C1orf21: variants seen among roughly 807,000 people sequenced by gnomAD.
C1orf21 encodes chromosome 1 open reading frame 21, also known as uncharacterized protein C1orf21.
C1orf21 carries 3 observed loss-of-function variants against 18.7 expected under a neutral mutation model. The ratio of observed to expected loss-of-function variants is 0.16; its 90% CI spans 0.07 to 0.42. The LOEUF (loss-of-function observed/expected upper bound fraction) is 0.42. Ranked by LOEUF, C1orf21 falls within the 10% of genes least tolerant of loss-of-function variation. The pLI is 0.99. For synonymous variants in C1orf21, 41 were observed against 46.4 expected, an observed-to-expected ratio of 0.88 and a Z score of 0.47; for missense variants, 104 against 143.6, an observed-to-expected ratio of 0.72 and a Z score of 1.41.
chr1:184,504,502 C>G (rs1285476218), intron 2 of C1orf21, among the ~76,000 whole-genome samples: 1 of 152,200 alleles, frequency 6.6e-6, no homozygotes, highest in Non-Finnish European at 1.5e-5. Flanking sequence ...ACCCAAAATG[C>G]TTCATTCATT....
rs550415554 is a variant in C1orf21 at position 184,393,639 on chromosome 1, A to G, written c.-125+6271A>G. Among the ~76,000 whole-genome samples the G allele has an allele frequency of 7.2e-4, 110 of 152,300 alleles. 3 individuals carry two copies. The South Asian group carries it at 0.022, about 30-fold the overall frequency. On this transcript the variant is annotated intron_variant, in intron 1 of 5. Coordinates refer to ENST00000235307, the MANE Select transcript of C1orf21 (RefSeq NM_030806.4). ...CTTTGCTTCTTCACTTCTCTTAGCT[A>G]TTACATTCTCCATTGGATAAGCTAA... is the stretch of plus-strand genomic sequence containing the variant.
intron 5 of C1orf21, among the ~76,000 whole-genome samples, chr1:184,599,782 C>A (rs944581420): frequency 2.0e-5 from 3 of 152,104 alleles, no homozygotes; most frequent in African/African-American, 4.8e-5. Flanking sequence ...ATCCCTAAAT[C>A]GAAATCCAAA....
At chr1:184,437,883 T>C (rs991814960) in intron 1 of C1orf21, among the ~76,000 whole-genome samples, 1 of 151,994 alleles carries the variant, frequency 6.6e-6, no homozygotes, top group African/African-American at 2.4e-5. Context: ...CATCAGGTAT[T>C]AGATTTTCCT....
At chr1:184,390,327 A>G (rs1044462971) in intron 1 of C1orf21, among the ~76,000 whole-genome samples, 3 of 152,204 alleles carry the variant, frequency 2.0e-5, no homozygotes, top group Non-Finnish European at 1.5e-5. Flanking sequence ...AGGAAAGGGT[A>G]TGTACACATG....
intron 2 of C1orf21, among the ~76,000 whole-genome samples, chr1:184,479,568 T>C (rs1209077641): frequency 6.6e-6 from 1 of 151,752 alleles, no homozygotes; most frequent in Non-Finnish European, 1.5e-5. Context: ...AGTCCACCTT[T>C]CTTTCTCCAT....
intron 1 of C1orf21, among the ~76,000 whole-genome samples, chr1:184,453,562 T>C (rs142474849): frequency 6.6e-6 from 1 of 152,242 alleles, no homozygotes; most frequent in Non-Finnish European, 1.5e-5. Context: ...CTGAATATAC[T>C]GATGTTAATA....
In C1orf21 at chr1:184,619,876, A is replaced by G; in HGVS notation, c.*320A>G. Reference sequence around the variant, plus strand: ...CTTAAAGATACTGTTGGTTTTACAGATGCTCTCCAACCTATTTTCTATAAG... The same window carrying G: ...CTTAAAGATACTGTTGGTTTTACAGGTGCTCTCCAACCTATTTTCTATAAG... On this transcript the variant is annotated 3_prime_UTR_variant, in exon 6 of 6. Coordinates refer to ENST00000235307, the MANE Select transcript of C1orf21 (RefSeq NM_030806.4). 1 of 252,634 alleles carries G rather than the reference A, an allele frequency of 4.0e-6. No homozygotes were observed. Among genetic ancestry groups the G allele is most frequent in the East Asian group, 1.1e-4 (1 of 9,024 alleles). 15.6% of individuals were successfully genotyped at this position (252,634 alleles called of 1,614,324 possible). A position where few individuals can be genotyped will look rare whatever the true frequency, so the allele number is the denominator to read the frequency against.
At chr1:184,515,970 G>A (rs934866358) in intron 3 of C1orf21, among the ~76,000 whole-genome samples, 14 of 151,980 alleles carry the variant, frequency 9.2e-5, no homozygotes, top group African/African-American at 1.9e-4. Flanking sequence ...CTGCCACCAC[G>A]TCCGGCTAAT....
chr1:184,521,198 T>A (rs996085728), intron 3 of C1orf21, among the ~76,000 whole-genome samples: 1 of 152,176 alleles, frequency 6.6e-6, no homozygotes, highest in Admixed American at 6.5e-5. Flanking sequence ...CAATATAATT[T>A]TTTTTCTAAA....
intron 3 of C1orf21, chr1:184,567,849 A>C (rs1446139797): frequency 4.5e-6 from 1 of 220,752 alleles, no homozygotes; most frequent in Non-Finnish European, 9.0e-6. Context: ...TGATGAAACC[A>C]CAAGGAATGA....
chr1:184,616,541 T>C (rs1255074807), intron 5 of C1orf21, among the ~76,000 whole-genome samples: 1 of 152,256 alleles, frequency 6.6e-6, no homozygotes, highest in African/African-American at 2.4e-5. Flanking sequence ...ATTGTATTTG[T>C]CCCTCAAAAG....
At chr1:184,460,690 TTCTTTC>T (rs1657294554) in intron 1 of C1orf21, among the ~76,000 whole-genome samples, 1 of 148,232 alleles carries the variant, frequency 6.7e-6, no homozygotes, top group Non-Finnish European at 1.5e-5. Flanking sequence ...TTCTTCTTTC[TTCTTTC>T]TTTTTTTCTC....
intron 3 of C1orf21, among the ~76,000 whole-genome samples, chr1:184,536,579 C>T (rs1049275823): frequency 6.6e-6 from 1 of 152,000 alleles, no homozygotes; most frequent in Non-Finnish European, 1.5e-5. Context: ...TGTACAACTG[C>T]GATGTGTGTG....
intron 3 of C1orf21, among the ~76,000 whole-genome samples, chr1:184,519,992 C>T (rs765033036): frequency 1.4e-4 from 22 of 152,144 alleles, no homozygotes; most frequent in Admixed American, 4.6e-4. Flanking sequence ...AAATTTCATA[C>T]ATCTTCCTTG....
At chr1:184,410,425 A>G (rs955904442) in intron 1 of C1orf21, among the ~76,000 whole-genome samples, 4 of 150,568 alleles carry the variant, frequency 2.7e-5, no homozygotes, top group African/African-American at 7.4e-5. Flanking sequence ...ACGAGAGTCA[A>G]TTTGTTTCCA....
intron 4 of C1orf21, among the ~76,000 whole-genome samples, chr1:184,593,715 A>G (rs1022888639): frequency 6.6e-6 from 1 of 152,246 alleles, no homozygotes; most frequent in Non-Finnish European, 1.5e-5. Context: ...TGCCTTAAAT[A>G]TTAGAAATAA....
chr1:184,478,236 A>T (rs977480530), intron 2 of C1orf21, among the ~76,000 whole-genome samples: 4 of 151,922 alleles, frequency 2.6e-5, no homozygotes, highest in African/African-American at 7.3e-5. Context: ...GTTTTTTTTT[A>T]AAGTGTAATA....
chr1:184,533,087 G>A (rs1310253876), intron 3 of C1orf21, among the ~76,000 whole-genome samples: 1 of 151,796 alleles, frequency 6.6e-6, no homozygotes, highest in Admixed American at 6.6e-5. Context: ...GCTTCCTGCT[G>A]CTCCCGGGTA....
chr1:184,496,442 G>A (rs940273448), intron 2 of C1orf21, among the ~76,000 whole-genome samples: 6 of 152,272 alleles, frequency 3.9e-5, no homozygotes, highest in East Asian at 3.9e-4. Context: ...CAAGACCCCC[G>A]GATTTCGGGC....
Sources: gnomAD v4.1 joint callset for allele counts (sites outside exome capture counted in the v4.1 genomes callset) on GRCh38, gnomAD v4.1.1 for gene constraint, MANE v1.5 for transcripts, NCBI Gene and HGNC (gene_info 2026-07-23, HGNC 2026-07-21) for gene names.